MOV10: variants seen among roughly 807,000 people sequenced by gnomAD.
MOV10 encodes Mov10 RNA helicase.
MOV10 carries 39 observed loss-of-function variants against 108.4 expected under a neutral mutation model. The ratio of observed to expected loss-of-function variants is 0.36; its 90% CI spans 0.28 to 0.47. The LOEUF (loss-of-function observed/expected upper bound fraction) is 0.47, where lower values mean the gene tolerates loss of function less well. Among genes scored for constraint, MOV10 ranks in the 20% least tolerant of loss-of-function variants. The pLI, the probability that MOV10 is intolerant of heterozygous loss-of-function variation, is 1.00. For synonymous variants in MOV10, 490 were observed against 523.1 expected, an observed-to-expected ratio of 0.94 and a Z score of 0.86; for missense variants, 952 against 1,297.6, an observed-to-expected ratio of 0.73 and a Z score of 4.09.
rs1236756258 is a variant in MOV10 at position 112,692,816 on chromosome 1, C to T, written c.1027C>T (p.Leu343=). ...WRNYEVKLRL[L]LHLEELQMEH... ...GAACTATGAGGTGAAGCTGCGGCTG[C>T]TGCTGCACCTGGAGGAACTGCAGAT... Residue 343 remains leucine (L), a synonymous_variant, in exon 7 of 21, where the codon CTG becomes TTG. Transcript: ENST00000369645. The T allele has an allele frequency of 3.1e-6, 5 of 1,614,074 alleles. 1 individual carries two copies. The Admixed American group carries it at 8.3e-5, about 27-fold the overall frequency.
chr1:112,700,081 C>G (rs1674509588), intron 19 of MOV10, 99 bp downstream of exon 19: 34 of 1,582,130 alleles, frequency 2.1e-5, no homozygotes, highest in Non-Finnish European at 2.9e-5. Context: ...AGTTAATCCT[C>G]AGATGTGTCC....
In MOV10 at chr1:112,700,255, C is replaced by T. The variant is rs544653885; in HGVS notation, c.2835C>T (p.Thr945=). ...LEFCKENGGY[T]GCPFPAKLDL... ...TCTGTAAAGAAAACGGAGGGTATACCGGGTGTCCCTTCCCTGCCAAACTGG... is the reference window on the plus strand; with the variant it reads ...TCTGTAAAGAAAACGGAGGGTATACTGGGTGTCCCTTCCCTGCCAAACTGG... The change falls in exon 20 of 21, where the codon ACC becomes ACT. Residue 945 remains threonine, a synonymous_variant. Coordinates refer to ENST00000369645, the MANE Select transcript of MOV10 (RefSeq NM_001321324.2). 3.0e-5 allele frequency: 48 copies of T among 1,613,998 alleles called. No individual in the cohort carries two copies. Among genetic ancestry groups the T allele is most frequent in the African/African-American group, 4.0e-5 (3 of 74,906 alleles).
chr1:112,697,898 G>A, intron 14 of MOV10, 96 bp from the exon 15 acceptor site: 2 of 969,262 alleles, frequency 2.1e-6, no homozygotes, highest in East Asian at 2.4e-5. Context: ...GGGGTAGCAG[G>A]CTATTGTGTG....
At chr1:112,693,002 C>T in intron 7 of MOV10, 73 bp downstream of exon 7, 1 of 1,416,198 alleles carries the variant, frequency 7.1e-7, no homozygotes, top group Non-Finnish European at 9.7e-7. Flanking sequence ...CAGAACTATT[C>T]CTGACAGCAG....
chr1:112,693,666 G>C (rs1258980429), intron 7 of MOV10: 1 of 137,118 alleles, frequency 7.3e-6, no homozygotes, highest in Non-Finnish European at 1.5e-5. Flanking sequence ...TGCCTGGTCC[G>C]TTTTTTTTTT....
chr1:112,678,731 G>C (rs560551539), intron 2 of MOV10, among the ~76,000 whole-genome samples: 1 of 152,094 alleles, frequency 6.6e-6, no homozygotes, highest in South Asian at 2.1e-4. Context: ...CAGGGCCCTG[G>C]GTAGGCATTG....
At chr1:112,698,594 C>A in intron 16 of MOV10, 116 bp downstream of exon 16, 1 of 1,439,540 alleles carries the variant, frequency 6.9e-7, no homozygotes, top group Non-Finnish European at 9.7e-7. Context: ...CTCCGTATCT[C>A]AGAAGAGCAC....
intron 2 of MOV10, among the ~76,000 whole-genome samples, chr1:112,676,706 G>GA (rs531737172): frequency 1.3e-5 from 2 of 152,296 alleles, no homozygotes; most frequent in South Asian, 4.1e-4. Context: ...TCAAAGGCGG[G>GA]AATGAGGAAC....
Position 112,696,427 on chromosome 1 carries a change from C to A in MOV10, c.1884-10C>A. 6.2e-7 allele frequency: 1 copy of A among 1,606,644 alleles called. No individual in the cohort carries two copies. The highest frequency in any genetic ancestry group is 8.5e-7 in the Non-Finnish European group (1 of 1,173,248). Reference sequence around the variant, plus strand: ...TGGATATGACCCCTGCCTGGCCTGACACCTCCCAGGTTGGTCTCGGCCCAG... The same window carrying A: ...TGGATATGACCCCTGCCTGGCCTGAAACCTCCCAGGTTGGTCTCGGCCCAG... On this transcript the variant is annotated splice_polypyrimidine_tract_variant and intron_variant, in intron 12 of 20. Coordinates refer to ENST00000369645, the MANE Select transcript of MOV10 (RefSeq NM_001321324.2).
intron 16 of MOV10, 41 bp downstream of exon 16, chr1:112,698,519 C>A (rs535832065): frequency 6.3e-6 from 10 of 1,587,940 alleles, no homozygotes; most frequent in South Asian, 4.5e-5. Flanking sequence ...GCCCCTCCCC[C>A]AGATGGTACC....
chr1:112,700,733 T>C lies in MOV10; in HGVS notation c.*226T>C, dbSNP rs996490539. The C allele has an allele frequency of 1.9e-5, 28 of 1,499,318 alleles. No individual in the cohort carries two copies. In the African/African-American group the frequency reaches 2.2e-4, roughly 12 times the overall value. 92.9% of individuals were successfully genotyped at this position (1,499,318 alleles called of 1,614,324 possible). On this transcript the variant is annotated 3_prime_UTR_variant, in exon 21 of 21. Coordinates refer to ENST00000369645, the MANE Select transcript of MOV10 (RefSeq NM_001321324.2). ...ACTCTGAAAACAAAATCTTGTTCTA[T>C]GCAAAAGCCTTGATAATGTCTCCTC...
At chr1:112,690,649 C>T (rs1437366686) in intron 5 of MOV10, among the ~76,000 whole-genome samples, 1 of 152,162 alleles carries the variant, frequency 6.6e-6, no homozygotes, top group Non-Finnish European at 1.5e-5. Context: ...GGCGAGCCAC[C>T]GTGCCCAGCC....
At chr1:112,682,173 G>C (rs1672711655) in intron 2 of MOV10, among the ~76,000 whole-genome samples, 1 of 152,192 alleles carries the variant, frequency 6.6e-6, no homozygotes, top group Non-Finnish European at 1.5e-5. Context: ...GGGATTACAG[G>C]CGTGAGCCAT....
intron 12 of MOV10, 85 bp from the exon 13 acceptor site, chr1:112,696,352 G>T: frequency 1.4e-6 from 2 of 1,421,978 alleles, no homozygotes; most frequent in Non-Finnish European, 2.0e-6. Context: ...GGGGTGGTGG[G>T]TGCTGAGAAG....
In MOV10 at chr1:112,689,396, TGAC is replaced by T; in HGVS notation, c.342-18_342-16del. The T allele has an allele frequency of 4.6e-6, 3 of 651,252 alleles. No individual in the cohort carries two copies. The highest frequency in any genetic ancestry group is 8.2e-6 in the Non-Finnish European group (3 of 363,830). 40.3% of individuals were successfully genotyped at this position (651,252 alleles called of 1,614,324 possible). ...GACCGCTCCCACCCCAACCCCCCCT[TGAC>T]TCCCCTTCTCCCCAGGGCTGAGTAT... On this transcript the variant is annotated splice_polypyrimidine_tract_variant and intron_variant, in intron 3 of 20. Coordinates refer to ENST00000369645, the MANE Select transcript of MOV10 (RefSeq NM_001321324.2).
chr1:112,691,710 C>A lies in MOV10; in HGVS notation c.882C>A (p.Tyr294Ter). The A allele has an allele frequency of 6.2e-7, 1 of 1,614,156 alleles. No individual in the cohort carries two copies. Among genetic ancestry groups the A allele is most frequent in the Non-Finnish European group, 8.5e-7 (1 of 1,180,042 alleles). The change falls in exon 6 of 21, where the codon TAC (tyrosine) becomes TAA (stop). Residue 294 changes from tyrosine to a stop codon, truncating the protein, a stop_gained. Transcript: ENST00000369645. LOFTEE classifies it high-confidence loss of function. The part of the protein sequence containing the change: ...DLELSMALGT[Y>*]YPPPRLRQLL... Reference sequence around the variant, plus strand: ...AGTTAAGTATGGCGCTGGGGACATACTACCCACCTCCCCGCCTCAGGCAGC... The same window carrying A: ...AGTTAAGTATGGCGCTGGGGACATAATACCCACCTCCCCGCCTCAGGCAGC...
chr1:112,674,874 T>C lies in MOV10; in HGVS notation c.-39T>C. 1 of 1,521,086 alleles carries C rather than the reference T, an allele frequency of 6.6e-7. No individual in the cohort carries two copies. Among genetic ancestry groups the C allele is most frequent in the Non-Finnish European group, 8.8e-7 (1 of 1,139,190 alleles). The allele number at this position is 1,521,086 out of a possible 1,614,324, so 94.2% of individuals were successfully genotyped here. On this transcript the variant is annotated 5_prime_UTR_variant, in exon 2 of 21. Coordinates refer to ENST00000369645, the MANE Select transcript of MOV10 (RefSeq NM_001321324.2). Reference sequence around the variant, plus strand: ...TGCAGCGGCGACTTTCAGTTTCATTTCCACGGACCCTCCTGCCTGGGCCGC... The same window carrying C: ...TGCAGCGGCGACTTTCAGTTTCATTCCCACGGACCCTCCTGCCTGGGCCGC...
In MOV10 at chr1:112,700,404, C is replaced by T. The variant is rs752799453; in HGVS notation, c.2921-12C>T. On this transcript the variant is annotated splice_polypyrimidine_tract_variant and intron_variant, in intron 20 of 20. Transcript: ENST00000369645. ...TGGTAAGGAAGACACAGTGTACTTT[C>T]TCTCTTTCCAGGGCCCCACAGCCAT... The T allele has an allele frequency of 1.9e-6, 3 of 1,613,600 alleles. No homozygotes were observed. In the South Asian group the frequency reaches 3.3e-5, roughly 18 times the overall value.
chr1:112,700,280 G>C lies in MOV10; in HGVS notation c.2860G>C (p.Asp954His). Residue 954 changes from aspartate (D) to histidine (H), a missense_variant, in exon 20 of 21, where the codon GAC (aspartate) becomes CAC (histidine). Around this residue, in one of 5 missense-constraint regions of MOV10, gnomAD observed 65 missense variants for 124.3 expected, o/e 0.52. Transcript: ENST00000369645. ...CGGGTGTCCCTTCCCTGCCAAACTG[G>C]ACCTGCAACAGGGACAGAATTTACT... ...YTGCPFPAKL[D>H]LQQGQNLLQG... 6.2e-7 allele frequency: 1 copy of C among 1,614,174 alleles called. No homozygotes were observed. Among genetic ancestry groups the C allele is most frequent in the Non-Finnish European group, 8.5e-7 (1 of 1,180,022 alleles).
Sources: gnomAD v4.1 joint callset for allele counts (sites outside exome capture counted in the v4.1 genomes callset) on GRCh38, gnomAD v4.1.1 for gene constraint, gnomAD v4.1.1 regional missense constraint, MANE v1.5 for transcripts, NCBI Gene and HGNC (gene_info 2026-07-23, HGNC 2026-07-21) for gene names.